Variants in CNTNAP3 observed in about 807,000 individuals in gnomAD.
CNTNAP3 encodes the protein contactin-associated protein-like 3.
A neutral mutation model predicts 92.1 loss-of-function variants in CNTNAP3; 36 were observed. The ratio of observed to expected loss-of-function variants is 0.39; its 90% CI spans 0.30 to 0.52. CNTNAP3 has a LOEUF of 0.52. CNTNAP3 is among the 20% of genes least tolerant of loss of function. The probability of loss-of-function intolerance (pLI) is 0.76; values close to 1 mark genes in which losing one functional copy is unlikely to be tolerated. For missense variants in CNTNAP3, 534 were observed against 1,069.6 expected (o/e 0.50, Z 6.98); for synonymous variants, 232 against 422.3 (o/e 0.55, Z 5.53).
chr9:39,089,582 G>A (rs1395911030), intron 18 of CNTNAP3, among the ~76,000 whole-genome samples: 1 of 152,078 alleles, frequency 6.6e-6, no homozygotes, highest in Non-Finnish European at 1.5e-5. Context: ...TATATACCTA[G>A]GAGTAAAATT....
intron 13 of CNTNAP3, among the ~76,000 whole-genome samples, chr9:39,126,504 C>A (rs1821156760): frequency 6.6e-6 from 1 of 152,128 alleles, no homozygotes. Context: ...AAGTAAACTG[C>A]AAACAAATAT....
rs1433768083 is a variant in CNTNAP3, at chr9:39,069,541, T to C, written c.*4349A>G. Among the ~76,000 whole-genome samples, 5 of 152,158 alleles carry C rather than the reference T, an allele frequency of 3.3e-5. No homozygotes were observed. Among genetic ancestry groups the C allele is most frequent in the Non-Finnish European group, 7.4e-5 (5 of 68,026 alleles). Reference sequence around the variant, plus strand: ...CATTTTAAAATATATAATGGCACAATAAAATGCAAAAATATAATTTTAGGT... The same window carrying C: ...CATTTTAAAATATATAATGGCACAACAAAATGCAAAAATATAATTTTAGGT... On this transcript the variant is annotated 3_prime_UTR_variant, in exon 24 of 24. Transcript: ENST00000297668.
chr9:39,271,975 A>AT (rs1466460977), intron 1 of CNTNAP3, among the ~76,000 whole-genome samples: 3 of 16,610 alleles, frequency 1.8e-4, no homozygotes, highest in African/African-American at 4.6e-4. Context: ...GCCCAGGCTA[A>AT]TTTTTTTTTG....
rs1429235192 is a variant in CNTNAP3 at position 39,076,686 on chromosome 9, C to T, written c.3745+1699G>A. Among the ~76,000 whole-genome samples, 8 of 152,406 alleles carry T rather than the reference C, an allele frequency of 5.2e-5. No homozygotes were observed. The South Asian group carries it at 8.3e-4, about 16-fold the overall frequency. On this transcript the variant is annotated intron_variant, in intron 23 of 23. Coordinates refer to ENST00000297668, the MANE Select transcript of CNTNAP3 (RefSeq NM_033655.5). The stretch of plus-strand genomic sequence containing the variant: ...GAATACAATTAAGATTTCAATAACT[C>T]GGCCGGGCATGGTGGCTCATGCCTG...
intron 12 of CNTNAP3, among the ~76,000 whole-genome samples, chr9:39,135,448 G>A (rs547530227): frequency 6.6e-6 from 1 of 152,046 alleles, no homozygotes; most frequent in South Asian, 2.1e-4. Context: ...GGCTGAGTCT[G>A]AACACACTGG....
chr9:39,123,349 C>T (rs1314110107), intron 13 of CNTNAP3, among the ~76,000 whole-genome samples: 1 of 152,080 alleles, frequency 6.6e-6, no homozygotes, highest in African/African-American at 2.4e-5. Flanking sequence ...CCGCCTCGGC[C>T]TCCCAAAGTG....
chr9:39,168,031 T>TTTTTTTTTTG (rs1822200668), intron 8 of CNTNAP3, among the ~76,000 whole-genome samples: 1 of 147,492 alleles, frequency 6.8e-6, no homozygotes, highest in African/African-American at 2.5e-5. Context: ...TGTTTTTTTT[T>TTTTTTTTTTG]TTTGAGATGG....
intron 17 of CNTNAP3, among the ~76,000 whole-genome samples, chr9:39,101,845 G>A (rs200472071): frequency 0.13 from 15,998 of 126,694 alleles, no homozygotes; most frequent in East Asian, 0.24. Context: ...TGTCACATAT[G>A]CCAATCCTCT....
At chr9:39,159,766 A>C (rs925468136) in intron 9 of CNTNAP3, 14 of 119,018 alleles carry the variant, frequency 1.2e-4, no homozygotes, top group Non-Finnish European at 2.2e-4. Flanking sequence ...ACTGAATGGG[A>C]ATGTCTGTAA....
intron 21 of CNTNAP3, among the ~76,000 whole-genome samples, chr9:39,083,428 A>C (rs1825991711): frequency 6.6e-6 from 1 of 152,086 alleles, no homozygotes; most frequent in Non-Finnish European, 1.5e-5. Flanking sequence ...TGGGAGACTG[A>C]GGCGGGTGGA....
At position 39,065,532 on chromosome 9, in the gene CNTNAP3, T is replaced by C. The variant is rs1825492536; in HGVS notation, c.*8358A>G. ...CATAGGTTTCATGTATGCTTAATTA[T>C]ATAAAACAATGTTAAACAATTTTTC... is the stretch of plus-strand genomic sequence containing the variant. On this transcript the variant is annotated 3_prime_UTR_variant, in exon 24 of 24. Transcript: ENST00000297668. Among the ~76,000 whole-genome samples the C allele has an allele frequency of 6.6e-6, 1 of 151,648 alleles. No individual in the cohort carries two copies. The highest frequency in any genetic ancestry group is 1.5e-5 in the Non-Finnish European group (1 of 67,930).
chr9:39,090,607 G>T (rs896930857), intron 18 of CNTNAP3, among the ~76,000 whole-genome samples: 1 of 152,308 alleles, frequency 6.6e-6, no homozygotes, highest in Non-Finnish European at 1.5e-5. Context: ...GTTATATACT[G>T]CTTTACAGTA....
At chr9:39,153,906 C>T (rs1821895470) in intron 9 of CNTNAP3, among the ~76,000 whole-genome samples, 1 of 147,434 alleles carries the variant, frequency 6.8e-6, no homozygotes, top group Non-Finnish European at 1.5e-5. Context: ...AATCCACATC[C>T]ACCAGTGATT....
chr9:39,168,192 T>C (rs1301480213), intron 8 of CNTNAP3, among the ~76,000 whole-genome samples: 1 of 139,660 alleles, frequency 7.2e-6, no homozygotes, highest in Non-Finnish European at 1.6e-5. Context: ...AATTTTTTTG[T>C]ATTTTTAGTA....
Position 39,130,637 on chromosome 9 carries a change from T to C in CNTNAP3, c.2080+2295A>G, listed in dbSNP as rs1477556865. Reference sequence around the variant, plus strand: ...CTCCTGCCTCAGCCTCCCAAGTAGCTGGGACTACAGGCACCTGCCACCAAG... The same window carrying C: ...CTCCTGCCTCAGCCTCCCAAGTAGCCGGGACTACAGGCACCTGCCACCAAG... On this transcript the variant is annotated intron_variant, in intron 13 of 23. Transcript: ENST00000297668. 3.9e-5 allele frequency among the ~76,000 whole-genome samples: 6 copies of C among 152,094 alleles called. No homozygotes were observed. The East Asian group carries it at 1.2e-3, about 29-fold the overall frequency.
At chr9:39,106,429 T>G (rs1477696213) in intron 15 of CNTNAP3, 1 of 152,170 alleles carries the variant, frequency 6.6e-6, no homozygotes, top group Non-Finnish European at 1.5e-5. Flanking sequence ...TTGCTAGGAC[T>G]ACAGGCCACC....
chr9:39,116,919 G>C (rs2117955594), intron 14 of CNTNAP3, among the ~76,000 whole-genome samples: 1 of 152,162 alleles, frequency 6.6e-6, no homozygotes, highest in Non-Finnish European at 1.5e-5. Flanking sequence ...TTACTGCTTA[G>C]ATTAGCTATT....
intron 7 of CNTNAP3, chr9:39,174,356 A>T: frequency 1.7e-6 from 1 of 590,352 alleles, no homozygotes; most frequent in Middle Eastern, 4.8e-4. Flanking sequence ...TTCATAGTAA[A>T]ACTTAGACTT....
intron 12 of CNTNAP3, among the ~76,000 whole-genome samples, chr9:39,138,951 C>T (rs2453934): frequency 6.6e-6 from 1 of 152,132 alleles, no homozygotes; most frequent in Non-Finnish European, 1.5e-5. Context: ...GTTCTTAAGA[C>T]AGAGTGCTGA....
Sources: gnomAD v4.1 joint callset for allele counts (sites outside exome capture counted in the v4.1 genomes callset) on GRCh38, gnomAD v4.1.1 for gene constraint, MANE v1.5 for transcripts, NCBI Gene and HGNC (gene_info 2026-07-23, HGNC 2026-07-21) for gene names.